The following CRISPLD2 variants were observed in gnomAD, a reference collection of about 807,000 sequenced individuals.
CRISPLD2 encodes the protein cysteine rich secretory protein LCCL domain containing 2.
In CRISPLD2, 47 loss-of-function variants were observed where a neutral mutation model predicts 71.1. The ratio of observed to expected loss-of-function variants is 0.66; its 90% CI spans 0.52 to 0.84. The LOEUF (loss-of-function observed/expected upper bound fraction) is 0.84. Ranked by LOEUF, CRISPLD2 falls within the 40% of genes least tolerant of loss-of-function variation. The probability of loss-of-function intolerance (pLI) is 0.00; values close to 1 mark genes in which losing one functional copy is unlikely to be tolerated. For missense variants in CRISPLD2, 830 were observed against 651.1 expected (o/e 1.27, Z -2.99); for synonymous variants, 317 against 250.1 (o/e 1.27, Z -2.52).
chr16:84,884,143 C>T (rs2071591800), intron 13 of CRISPLD2, among the ~76,000 whole-genome samples: 1 of 152,220 alleles, frequency 6.6e-6, no homozygotes, highest in African/African-American at 2.4e-5. Context: ...CCACACACAG[C>T]CCTTCTTTAA....
chr16:84,877,042 G>C (rs902132979), intron 11 of CRISPLD2, among the ~76,000 whole-genome samples: 1 of 152,212 alleles, frequency 6.6e-6, no homozygotes, highest in Non-Finnish European at 1.5e-5. Context: ...TCCCACCTCA[G>C]TCCTGGGAAG....
At chr16:84,828,276 A>G (rs1222165042) in intron 1 of CRISPLD2, 1 of 152,202 alleles carries the variant, frequency 6.6e-6, no homozygotes, top group Admixed American at 6.5e-5. Flanking sequence ...AAGAAACATC[A>G]TTAAACACCA....
At chr16:84,877,386 G>A in intron 11 of CRISPLD2, 52 bp from the exon 12 acceptor site, 1 of 1,555,932 alleles carries the variant, frequency 6.4e-7, no homozygotes, top group South Asian at 1.1e-5. Flanking sequence ...CTGGTAGCCT[G>A]AGGCCCAGGC....
chr16:84,862,162 G>A (rs1917401681), intron 6 of CRISPLD2, among the ~76,000 whole-genome samples: 1 of 151,998 alleles, frequency 6.6e-6, no homozygotes, highest in Admixed American at 6.6e-5. Flanking sequence ...CACTCCCACA[G>A]CTCTCAGAAC....
intron 4 of CRISPLD2, 125 bp from the exon 5 acceptor site, chr16:84,850,443 A>G (rs1597457843): frequency 2.7e-6 from 2 of 734,056 alleles, no homozygotes; most frequent in Non-Finnish European, 2.4e-6. Context: ...AGGGACTAAT[A>G]TCTGCTTCCC....
chr16:84,855,985 A>G (rs1484181351), intron 6 of CRISPLD2, among the ~76,000 whole-genome samples: 1 of 152,244 alleles, frequency 6.6e-6, no homozygotes, highest in Non-Finnish European at 1.5e-5. Context: ...TTAACAAAAG[A>G]AGGAGGAAAT....
chr16:84,852,428 A>C (rs1597459095), intron 5 of CRISPLD2, among the ~76,000 whole-genome samples: 1 of 152,128 alleles, frequency 6.6e-6, no homozygotes, highest in East Asian at 1.9e-4. Context: ...ACCTCATATG[A>C]AGGGGGCCAC....
intron 2 of CRISPLD2, among the ~76,000 whole-genome samples, chr16:84,841,584 A>G (rs1272677779): frequency 1.3e-5 from 2 of 151,524 alleles, no homozygotes; most frequent in African/African-American, 4.9e-5. Context: ...GAGAGGATGC[A>G]TTTATGACTG....
At chr16:84,883,428 G>A (rs753014521) in intron 13 of CRISPLD2, among the ~76,000 whole-genome samples, 1 of 152,196 alleles carries the variant, frequency 6.6e-6, no homozygotes, top group African/African-American at 2.4e-5. Context: ...GCTGAGCCAC[G>A]GCGGTGACAT....
intron 14 of CRISPLD2, among the ~76,000 whole-genome samples, chr16:84,890,306 C>T (rs2071650213): frequency 2.0e-5 from 3 of 151,476 alleles, no homozygotes; most frequent in Admixed American, 1.3e-4. Context: ...TTGCAGTGAG[C>T]TGAGATCGCG....
At chr16:84,879,154 C>T (rs758393866) in intron 12 of CRISPLD2, among the ~76,000 whole-genome samples, 55 of 152,190 alleles carry the variant, frequency 3.6e-4, no homozygotes, top group Admixed American at 1.3e-4. Flanking sequence ...TCCGCACCAC[C>T]GTCTTGATCC....
intron 10 of CRISPLD2, 173 bp downstream of exon 10, chr16:84,873,295 T>C (rs913988570): frequency 1.9e-5 from 12 of 629,578 alleles, no homozygotes; most frequent in African/African-American, 1.7e-4. Flanking sequence ...CTGACCAACA[T>C]GGTGAAAGTC....
intron 1 of CRISPLD2, among the ~76,000 whole-genome samples, chr16:84,831,914 T>C (rs1916498383): frequency 6.6e-6 from 1 of 152,150 alleles, no homozygotes; most frequent in East Asian, 1.9e-4. Context: ...TTTGTACTTT[T>C]AGTAAAGATG....
intron 13 of CRISPLD2, among the ~76,000 whole-genome samples, chr16:84,883,320 G>C (rs1395853996): frequency 3.3e-5 from 5 of 152,186 alleles, no homozygotes; most frequent in Admixed American, 3.3e-4. Flanking sequence ...GCCTGTTCCT[G>C]CCTGCGGCTC....
At chr16:84,878,054 CA>C (rs60773992) in intron 12 of CRISPLD2, among the ~76,000 whole-genome samples, 41,996 of 97,484 alleles carry the variant, frequency 0.43, 7,329 homozygotes, top group East Asian at 0.55. Flanking sequence ...ACTAAAAATA[CA>C]AAAAAAAAAA....
chr16:84,901,032 C>T lies in CRISPLD2; in HGVS notation c.1440-5556C>T, dbSNP rs552711700. ...GTCACTGCACACACACACACACACA[C>T]ACACACACACACGCAAAAAAAAAAA... On this transcript the variant is annotated intron_variant, in intron 14 of 14. Transcript: ENST00000262424. Among the ~76,000 whole-genome samples the T allele has an allele frequency of 4.7e-3, 701 of 149,698 alleles. 3 individuals carry two copies. Among genetic ancestry groups the T allele is most frequent in the African/African-American group, 0.017 (675 of 39,898 alleles).
chr16:84,884,690 G>A (rs149941623), intron 13 of CRISPLD2, among the ~76,000 whole-genome samples: 2 of 152,308 alleles, frequency 1.3e-5, no homozygotes, highest in East Asian at 1.9e-4. Flanking sequence ...ATAACGGGGC[G>A]GTACCGGGCC....
At chr16:84,841,298 C>A (rs1916763523) in intron 2 of CRISPLD2, among the ~76,000 whole-genome samples, 1 of 151,984 alleles carries the variant, frequency 6.6e-6, no homozygotes, top group Non-Finnish European at 1.5e-5. Flanking sequence ...GCAGAGGGAA[C>A]AGAAGGTGTG....
At position 84,869,294 on chromosome 16, in the gene CRISPLD2, G is replaced by C. The variant is rs186568643; in HGVS notation, c.914+383G>C. ...GTGTGACTGCTGGGCTGTTCTTTGT[G>C]GTAGTAAACAGCCAACAGGTGCAGC... On this transcript the variant is annotated intron_variant, in intron 8 of 14. Coordinates refer to ENST00000262424, the MANE Select transcript of CRISPLD2 (RefSeq NM_031476.4). Among the ~76,000 whole-genome samples, 792 of 152,310 alleles carry C rather than the reference G, an allele frequency of 5.2e-3. 5 individuals are homozygous for C. The highest frequency in any genetic ancestry group is 0.018 in the African/African-American group (748 of 41,564).
Sources: allele counts gnomAD v4.1 joint callset (sites outside exome capture counted in the v4.1 genomes callset), GRCh38; gene constraint gnomAD v4.1.1; transcripts MANE v1.5; gene names NCBI Gene and HGNC (gene_info 2026-07-23, HGNC 2026-07-21).